DPP10: variants seen among roughly 807,000 people sequenced by gnomAD.
DPP10 encodes inactive dipeptidyl peptidase 10.
Under a neutral mutation model 120.9 loss-of-function variants are expected in DPP10, and 33 were observed. The observed-to-expected ratio is 0.27, with a 90% confidence interval of 0.21 to 0.37. DPP10 has a LOEUF of 0.37. Among genes scored for constraint, DPP10 ranks in the 10% least tolerant of loss-of-function variants. The pLI is 1.00. For missense variants in DPP10, 816 were observed against 942.8 expected (o/e 0.87, Z 1.76); for synonymous variants, 337 against 326.1 (o/e 1.03, Z -0.36).
intron 5 of DPP10, among the ~76,000 whole-genome samples, chr2:115,617,695 C>T (rs866028796): frequency 1.4e-4 from 22 of 152,054 alleles, no homozygotes; most frequent in Admixed American, 5.2e-4. Flanking sequence ...GGAGGCTAGA[C>T]CACCTAGGTT....
chr2:115,497,120 T>A (rs2076440061), intron 3 of DPP10, among the ~76,000 whole-genome samples: 1 of 152,096 alleles, frequency 6.6e-6, no homozygotes, highest in Admixed American at 6.6e-5. Flanking sequence ...TCTTGTGACC[T>A]CTGGCCACAT....
chr2:114,599,476 A>G (rs1692193793), intron 1 of DPP10, among the ~76,000 whole-genome samples: 1 of 151,850 alleles, frequency 6.6e-6, no homozygotes, highest in South Asian at 2.1e-4. Flanking sequence ...GGAGTGATAT[A>G]GTACATACTT....
intron 1 of DPP10, among the ~76,000 whole-genome samples, chr2:114,838,808 C>A (rs1029882934): frequency 6.6e-6 from 1 of 152,104 alleles, no homozygotes. Flanking sequence ...TCAGTGTAGA[C>A]TGACCCACAC....
At chr2:115,620,035 G>T (rs2084828505) in intron 5 of DPP10, among the ~76,000 whole-genome samples, 2 of 152,086 alleles carry the variant, frequency 1.3e-5, no homozygotes, top group South Asian at 2.1e-4. Flanking sequence ...GGAATGTTTT[G>T]CCATGGCTGC....
At chr2:115,629,532 A>G (rs1479961560) in intron 5 of DPP10, among the ~76,000 whole-genome samples, 1 of 152,098 alleles carries the variant, frequency 6.6e-6, no homozygotes, top group African/African-American at 2.4e-5. Flanking sequence ...ATGGTATCTC[A>G]TTGTGGTTGA....
chr2:115,562,313 C>T (rs1352472278), intron 5 of DPP10, among the ~76,000 whole-genome samples: 1 of 152,166 alleles, frequency 6.6e-6, no homozygotes, highest in Non-Finnish European at 1.5e-5. Flanking sequence ...CTTCCAAATC[C>T]ACGTGGCCTT....
At chr2:114,541,390 C>T (rs897369421) in intron 1 of DPP10, among the ~76,000 whole-genome samples, 1 of 152,092 alleles carries the variant, frequency 6.6e-6, no homozygotes, top group African/African-American at 2.4e-5. Flanking sequence ...GCCAGCTTCC[C>T]CCTTAGGAAG....
chr2:114,730,574 GT>G (rs1164402716), intron 1 of DPP10, among the ~76,000 whole-genome samples: 2 of 151,948 alleles, frequency 1.3e-5, no homozygotes, highest in African/African-American at 2.4e-5. Flanking sequence ...TTTGTTTTTT[GT>G]TTTTTTGTTT....
intron 3 of DPP10, among the ~76,000 whole-genome samples, chr2:115,360,987 C>G (rs1018850244): frequency 6.6e-6 from 1 of 151,946 alleles, no homozygotes; most frequent in African/African-American, 2.4e-5. Context: ...AGGTCTCCTT[C>G]CAGTGTCTGT....
intron 5 of DPP10, among the ~76,000 whole-genome samples, chr2:115,558,065 T>C (rs2080329136): frequency 6.6e-6 from 1 of 152,156 alleles, no homozygotes; most frequent in Non-Finnish European, 1.5e-5. Flanking sequence ...TACATGTACA[T>C]TTGTGTGTGT....
chr2:114,549,016 C>T (rs969891967), intron 1 of DPP10, among the ~76,000 whole-genome samples: 1 of 152,194 alleles, frequency 6.6e-6, no homozygotes, highest in African/African-American at 2.4e-5. Context: ...AAAATCAAAG[C>T]AGTTATCATA....
Position 115,068,443 on chromosome 2 carries a change from T to G in DPP10, c.61-240796T>G, listed in dbSNP as rs1707105816. ...TTATTTGTTTTTGCTGTTGAGATCTTTGAATTCCTTATATGTTTTGGATAT... is the reference window on the plus strand; with the variant it reads ...TTATTTGTTTTTGCTGTTGAGATCTGTGAATTCCTTATATGTTTTGGATAT... On this transcript the variant is annotated intron_variant, in intron 1 of 25. Transcript: ENST00000410059. Among the ~76,000 whole-genome samples, 4 of 152,326 alleles carry G rather than the reference T, an allele frequency of 2.6e-5. No homozygotes were observed. The South Asian group carries it at 8.3e-4, about 32-fold the overall frequency.
At chr2:114,893,843 CAT>C (rs1385392034) in intron 1 of DPP10, among the ~76,000 whole-genome samples, 6 of 152,172 alleles carry the variant, frequency 3.9e-5, no homozygotes, top group African/African-American at 1.2e-4. Context: ...ACAGAAAAAA[CAT>C]ATTTTTTGTC....
chr2:115,660,139 T>A (rs2149404437), intron 5 of DPP10, among the ~76,000 whole-genome samples: 1 of 152,346 alleles, frequency 6.6e-6, no homozygotes, highest in South Asian at 2.1e-4. Context: ...TACTTAGGAT[T>A]ATTTAGTTAA....
At chr2:114,502,964 G>A (rs140258592) in intron 1 of DPP10, among the ~76,000 whole-genome samples, 302 of 152,330 alleles carry the variant, frequency 2.0e-3, no homozygotes, top group Admixed American at 6.2e-3. Context: ...GACAGAAGAT[G>A]ACATAAAAGT....
At chr2:115,702,206 G>T (rs370659495) in intron 7 of DPP10, among the ~76,000 whole-genome samples, 1 of 151,930 alleles carries the variant, frequency 6.6e-6, no homozygotes, top group Non-Finnish European at 1.5e-5. Context: ...GTAGAACTTA[G>T]TCGTGTTGAA....
chr2:115,844,880 A>G lies in DPP10; in HGVS notation c.*2535A>G, dbSNP rs1009098106. 3.9e-5 allele frequency: 6 copies of G among 152,162 alleles called. No homozygotes were observed. Among genetic ancestry groups the G allele is most frequent in the African/African-American group, 1.4e-4 (6 of 41,446 alleles). The allele number at this position is 152,162 out of a possible 1,614,324, so 9.4% of individuals were successfully genotyped here. On this transcript the variant is annotated 3_prime_UTR_variant, in exon 26 of 26. Transcript: ENST00000410059. Reference sequence around the variant, plus strand: ...TTTGTTCACTTTCATTGCCTTCATTAAGATCTCCAAATACTCAGAGACTAA... The same window carrying G: ...TTTGTTCACTTTCATTGCCTTCATTGAGATCTCCAAATACTCAGAGACTAA...
At chr2:115,129,730 C>T (rs140343305) in intron 1 of DPP10, among the ~76,000 whole-genome samples, 235 of 152,282 alleles carry the variant, frequency 1.5e-3, no homozygotes, top group African/African-American at 5.2e-3. Flanking sequence ...TGTGTCCTTA[C>T]TTCTCATAGT....
chr2:115,717,576 A>C (rs2092535780), intron 7 of DPP10, among the ~76,000 whole-genome samples: 1 of 152,054 alleles, frequency 6.6e-6, no homozygotes, highest in South Asian at 2.1e-4. Context: ...GCTTAGAAGC[A>C]ACCAACAAAT....
Sources: allele counts gnomAD v4.1 joint callset (sites outside exome capture counted in the v4.1 genomes callset), GRCh38; gene constraint gnomAD v4.1.1; transcripts MANE v1.5; gene names NCBI Gene and HGNC (gene_info 2026-07-23, HGNC 2026-07-21).